Variants in PTPRN2 observed in about 807,000 individuals in gnomAD.
The protein encoded by PTPRN2 is receptor-type tyrosine-protein phosphatase N2.
A neutral mutation model predicts 118.8 loss-of-function variants in PTPRN2; 74 were observed. The ratio of observed to expected loss-of-function variants is 0.62; its 90% CI spans 0.52 to 0.76. The LOEUF (loss-of-function observed/expected upper bound fraction) is 0.76. PTPRN2 is among the 30% of genes least tolerant of loss of function. PTPRN2 has a pLI of 0.00. For synonymous variants in PTPRN2, 641 were observed against 608.0 expected (o/e 1.05, Z -0.80); for missense variants, 1,481 against 1,394.4 (o/e 1.06, Z -0.99).
At chr7:157,805,761 A>G (rs556866074) in intron 12 of PTPRN2, among the ~76,000 whole-genome samples, 8 of 152,342 alleles carry the variant, frequency 5.3e-5, no homozygotes, top group African/African-American at 1.9e-4. Flanking sequence ...GCAGAACAGA[A>G]GCAATTCAAA....
intron 7 of PTPRN2, 59 bp from the exon 8 acceptor site, chr7:158,136,754 C>T: frequency 1.3e-6 from 2 of 1,564,980 alleles, no homozygotes; most frequent in Non-Finnish European, 1.8e-6. Flanking sequence ...CAGGGTGCCA[C>T]AGACATAAAA....
intron 2 of PTPRN2, among the ~76,000 whole-genome samples, chr7:158,474,872 G>T (rs1258782098): frequency 2.0e-5 from 3 of 152,202 alleles, no homozygotes; most frequent in African/African-American, 7.2e-5. Context: ...ATGCCACGGG[G>T]TGCCCTGTGG....
intron 3 of PTPRN2, among the ~76,000 whole-genome samples, chr7:158,213,781 C>A (rs913628177): frequency 7.2e-5 from 11 of 151,990 alleles, no homozygotes; most frequent in African/African-American, 2.4e-4. Context: ...CCACGCCATT[C>A]CTAAAAGGGA....
intron 10 of PTPRN2, among the ~76,000 whole-genome samples, chr7:158,097,944 A>G (rs1814776079): frequency 6.6e-6 from 1 of 152,140 alleles, no homozygotes; most frequent in Non-Finnish European, 1.5e-5. Flanking sequence ...AGCTCCCAGA[A>G]CATGCTCTGA....
At chr7:158,538,541 A>G (rs1186212092) in intron 1 of PTPRN2, among the ~76,000 whole-genome samples, 1 of 152,124 alleles carries the variant, frequency 6.6e-6, no homozygotes, top group African/African-American at 2.4e-5. Context: ...TGCCTCTCCC[A>G]GCCGTCACAC....
chr7:157,611,930 C>T lies in PTPRN2; in HGVS notation c.2345-7855G>A, dbSNP rs1025108896. ...CGGAGGGAGAGCGCCCGTGTGAAGA[C>T]GAAGACAGCCGTGGTCGTGCTGAGG... is the stretch of plus-strand genomic sequence containing the variant. On this transcript the variant is annotated intron_variant, in intron 15 of 22. Coordinates refer to ENST00000389418, the MANE Select transcript of PTPRN2 (RefSeq NM_002847.5). This position sits in a 1 kb window ranked among gnomAD's most constrained non-coding sequence, Gnocchi z 5.9. Among the ~76,000 whole-genome samples, 24 of 152,120 alleles carry T rather than the reference C, an allele frequency of 1.6e-4. No homozygotes were observed. Among genetic ancestry groups the T allele is most frequent in the Non-Finnish European group, 2.6e-4 (18 of 68,006 alleles).
At position 157,783,364 on chromosome 7, in the gene PTPRN2, G is replaced by A. The variant is rs115270732; in HGVS notation, c.1789-100427C>T. 7.6e-3 allele frequency among the ~76,000 whole-genome samples: 1,156 copies of A among 151,710 alleles called. 14 individuals carry two copies. The highest frequency in any genetic ancestry group is 0.027 in the African/African-American group (1,097 of 41,308). Reference sequence around the variant, plus strand: ...TGGACACTCCCATGCACAGCACACCGGGAGGGTCCTCACCACACAGCCTGG... The same window carrying A: ...TGGACACTCCCATGCACAGCACACCAGGAGGGTCCTCACCACACAGCCTGG... On this transcript the variant is annotated intron_variant, in intron 12 of 22. Transcript: ENST00000389418.
chr7:157,720,327 A>G (rs60512572), intron 12 of PTPRN2, among the ~76,000 whole-genome samples: 26,727 of 152,082 alleles, frequency 0.18, 3,187 homozygotes, highest in East Asian at 0.38. Flanking sequence ...GGCTGCCGCA[A>G]TCGGTCATTC....
At chr7:158,421,718 G>C (rs2129423112) in intron 2 of PTPRN2, among the ~76,000 whole-genome samples, 1 of 152,342 alleles carries the variant, frequency 6.6e-6, no homozygotes, top group African/African-American at 2.4e-5. Context: ...TAAATTGCTA[G>C]TTTTCTCCGC....
Position 157,944,847 on chromosome 7 carries a change from G to A in PTPRN2, c.1724-46110C>T, listed in dbSNP as rs1258764556. On this transcript the variant is annotated intron_variant, in intron 11 of 22. Transcript: ENST00000389418. This position sits in a 1 kb window ranked among gnomAD's most constrained non-coding sequence, Gnocchi z 4.3. ...CTGGGAAGCAGCATGCTTCTTGGGG[G>A]GCAGGCATTGTCTACAACACAGACT... 1.3e-5 allele frequency among the ~76,000 whole-genome samples: 2 copies of A among 152,128 alleles called. No individual in the cohort carries two copies. The highest frequency in any genetic ancestry group is 3.9e-4 in the East Asian group (2 of 5,168).
Position 158,022,802 on chromosome 7 carries a change from A to G in PTPRN2, c.1723+58496T>C, listed in dbSNP as rs1174418901. Among the ~76,000 whole-genome samples, 2 of 152,262 alleles carry G rather than the reference A, an allele frequency of 1.3e-5. No individual in the cohort carries two copies. Among genetic ancestry groups the G allele is most frequent in the Non-Finnish European group, 2.9e-5 (2 of 68,040 alleles). On this transcript the variant is annotated intron_variant, in intron 11 of 22. Transcript: ENST00000389418. The surrounding 1 kb of genome is among the most constrained non-coding windows in gnomAD (Gnocchi z 4.6). Reference sequence around the variant, plus strand: ...TGGAATGCGTTCTGAGCACCCCTGGAGCAGGGCACTGTTGGGTTACTTGAA... The same window carrying G: ...TGGAATGCGTTCTGAGCACCCCTGGGGCAGGGCACTGTTGGGTTACTTGAA...
At chr7:157,685,465 G>T (rs1042997326) in intron 12 of PTPRN2, among the ~76,000 whole-genome samples, 28 of 152,102 alleles carry the variant, frequency 1.8e-4, no homozygotes, top group Non-Finnish European at 3.7e-4. Flanking sequence ...GGGGTTCCGA[G>T]GCGCAGGGCG....
chr7:157,544,717 G>A (rs1352323007), intron 22 of PTPRN2, among the ~76,000 whole-genome samples: 3 of 152,210 alleles, frequency 2.0e-5, no homozygotes, highest in African/African-American at 4.8e-5. Flanking sequence ...GACGTGTGGA[G>A]GGAAGGAAGG....
chr7:157,670,978 A>G (rs1352180044), intron 13 of PTPRN2, among the ~76,000 whole-genome samples: 1 of 152,088 alleles, frequency 6.6e-6, no homozygotes, highest in African/African-American at 2.4e-5. Context: ...GCTGATTTTC[A>G]TGTGCCATCC....
chr7:158,008,400 G>C (rs907496098), intron 11 of PTPRN2, among the ~76,000 whole-genome samples: 1 of 152,208 alleles, frequency 6.6e-6, no homozygotes, highest in African/African-American at 2.4e-5. Context: ...GGCCGCGGGG[G>C]CTCCCCGCCA....
chr7:157,829,297 C>T (rs889620146), intron 12 of PTPRN2, among the ~76,000 whole-genome samples: 2 of 152,154 alleles, frequency 1.3e-5, no homozygotes, highest in East Asian at 1.9e-4. Context: ...TATCTGAACA[C>T]GGTGGCGCAA....
chr7:157,656,213 G>T, intron 14 of PTPRN2, 144 bp downstream of exon 14: 1 of 774,602 alleles, frequency 1.3e-6, no homozygotes, highest in Non-Finnish European at 2.0e-6. Context: ...AAAGAGCCCT[G>T]CCTGTCAGCC....
At chr7:158,471,818 G>A (rs1158537350) in intron 2 of PTPRN2, among the ~76,000 whole-genome samples, 1 of 152,160 alleles carries the variant, frequency 6.6e-6, no homozygotes, top group African/African-American at 2.4e-5. Context: ...CAACCAAGAA[G>A]ACTCTGACAA....
chr7:158,141,298 T>C (rs1415604177), intron 6 of PTPRN2, among the ~76,000 whole-genome samples: 2 of 152,250 alleles, frequency 1.3e-5, no homozygotes, highest in Non-Finnish European at 2.9e-5. Context: ...CAGCCTGCAG[T>C]GTCTGCACAG....
Sources: gnomAD v4.1 joint callset for allele counts (sites outside exome capture counted in the v4.1 genomes callset) on GRCh38, gnomAD v4.1.1 for gene constraint, Gnocchi (gnomAD v3.1) non-coding constraint, MANE v1.5 for transcripts, NCBI Gene and HGNC (gene_info 2026-07-23, HGNC 2026-07-21) for gene names.